TENM1: variants seen among roughly 807,000 people sequenced by gnomAD.
The protein encoded by TENM1 is teneurin transmembrane protein 1, also known as teneurin-1.
In TENM1, 35 loss-of-function variants were observed where a neutral mutation model predicts 174.8. The observed-to-expected ratio is 0.20, with a 90% CI of 0.15 to 0.27. TENM1 has a LOEUF of 0.27. TENM1 is among the 10% of genes least tolerant of loss of function. The pLI is 1.00. For synonymous variants in TENM1, 781 were observed against 798.7 expected (o/e 0.98, Z 0.37); for missense variants, 1,633 against 2,130.1 (o/e 0.77, Z 4.59).
chrX:125,107,620 T>C, the TENM1 span, among the ~76,000 whole-genome samples: 3 of 111,522 alleles, frequency 2.7e-5, no homozygotes, highest in Non-Finnish European at 5.6e-5. Flanking sequence ...AACACCCCCA[T>C]GCTAAGGGAC....
chrX:124,452,923 A>G (rs945690096), intron 23 of TENM1, among the ~76,000 whole-genome samples: 2 of 109,207 alleles, frequency 1.8e-5, no homozygotes, highest in Non-Finnish European at 3.8e-5. Context: ...TGACAAGTTA[A>G]TGGGTGCAGC....
At chrX:125,055,338 T>G in the TENM1 span, among the ~76,000 whole-genome samples, 5 of 111,374 alleles carry the variant, frequency 4.5e-5, no homozygotes, top group Non-Finnish European at 9.4e-5. Context: ...TGCTTTTTAT[T>G]TATTCTTTTA....
chrX:124,608,533 G>A (rs1040784675), intron 11 of TENM1, among the ~76,000 whole-genome samples: 20 of 111,573 alleles, frequency 1.8e-4, no homozygotes, highest in Non-Finnish European at 3.0e-4. Context: ...TACAGTAAGC[G>A]CGCTGCTGTC....
chrX:125,056,322 G>A, the TENM1 span, among the ~76,000 whole-genome samples: 773 of 111,678 alleles, frequency 6.9e-3, 1 homozygote, highest in Middle Eastern at 0.037. Flanking sequence ...AATATGAATG[G>A]TGAGAATGGT....
intron 14 of TENM1, among the ~76,000 whole-genome samples, chrX:124,548,365 G>A: frequency 9.0e-6 from 1 of 110,868 alleles, no homozygotes; most frequent in South Asian, 4.0e-4. Context: ...TGCTTGCAGA[G>A]GTGAAGAGAT....
intron 30 of TENM1, among the ~76,000 whole-genome samples, chrX:124,383,131 G>C (rs2060178830): frequency 9.1e-6 from 1 of 109,736 alleles, no homozygotes; most frequent in Admixed American, 9.8e-5. Context: ...ATTTTTAGTA[G>C]AGATGGGGTT....
intron 3 of TENM1, among the ~76,000 whole-genome samples, chrX:124,856,606 G>A (rs1422007561): frequency 9.0e-6 from 1 of 111,266 alleles, no homozygotes; most frequent in South Asian, 3.7e-4. Flanking sequence ...AGGTCAGTAG[G>A]TTAAGAATGG....
At chrX:125,073,639 G>A in the TENM1 span, among the ~76,000 whole-genome samples, 346 of 110,896 alleles carry the variant, frequency 3.1e-3, 1 homozygote, top group Non-Finnish European at 5.0e-3. Flanking sequence ...GGCATTGTAG[G>A]TATGTGGGTA....
At chrX:124,991,943 T>C in the TENM1 span, among the ~76,000 whole-genome samples, 8 of 111,090 alleles carry the variant, frequency 7.2e-5, no homozygotes, top group East Asian at 1.7e-3. Flanking sequence ...AACCAACTCC[T>C]TACCTTGCCT....
the TENM1 span, among the ~76,000 whole-genome samples, chrX:125,011,967 A>C: frequency 1.8e-5 from 2 of 111,908 alleles, no homozygotes; most frequent in East Asian, 5.6e-4. Flanking sequence ...ACTGGAAAAA[A>C]ATGTGGTACA....
At chrX:124,782,068 G>A (rs910723034) in intron 3 of TENM1, among the ~76,000 whole-genome samples, 1 of 110,928 alleles carries the variant, frequency 9.0e-6, no homozygotes, top group Non-Finnish European at 1.9e-5. Context: ...CTTTCCTCTA[G>A]CTTGATGTAG....
At chrX:124,959,356 G>A (rs975456625) in intron 1 of TENM1, among the ~76,000 whole-genome samples, 1 of 111,558 alleles carries the variant, frequency 9.0e-6, no homozygotes, top group African/African-American at 3.3e-5. Flanking sequence ...TAGTTCCCGG[G>A]TCTGTATACT....
chrX:124,719,897 T>C (rs1305676062), intron 4 of TENM1, among the ~76,000 whole-genome samples: 1 of 112,156 alleles, frequency 8.9e-6, no homozygotes, highest in African/African-American at 3.2e-5. Flanking sequence ...TGGCTGGTTG[T>C]AACTTAAACC....
At chrX:124,382,689 T>C (rs2060172722) in exon 31 of TENM1, 1 of 1,206,917 alleles carries the variant, frequency 8.3e-7, no homozygotes, top group Non-Finnish European at 1.1e-6. Context: ...ATCCCACTCT[T>C]GAGTTTTTGT....
chrX:124,497,905 T>C (rs1290793488), intron 19 of TENM1, among the ~76,000 whole-genome samples: 1 of 111,816 alleles, frequency 8.9e-6, no homozygotes, highest in Non-Finnish European at 1.9e-5. Flanking sequence ...ACATTCTGTG[T>C]GGGCAATCTC....
Position 124,942,452 on chromosome X carries a change from G to T in TENM1, c.217+21085C>A, listed in dbSNP as rs1047662300. 6.3e-5 allele frequency among the ~76,000 whole-genome samples: 7 copies of T among 111,461 alleles called. No individual in the cohort carries two copies. The East Asian group carries it at 1.1e-3, about 18-fold the overall frequency. ...AAGATTATGCTTTCCCCCCCGCCCC[G>T]CAGGGCTCACTATGAATAGTTCCAA... On this transcript the variant is annotated intron_variant, in intron 1 of 31. Coordinates refer to ENST00000422452, the Ensembl canonical transcript of TENM1.
intron 22 of TENM1, among the ~76,000 whole-genome samples, chrX:124,463,480 C>T (rs759251592): frequency 1.8e-5 from 2 of 111,632 alleles, no homozygotes; most frequent in Non-Finnish European, 3.8e-5. Context: ...CCTGCTTGAA[C>T]ACTTTAGGCT....
chrX:124,775,175 G>A (rs747302196), intron 3 of TENM1, among the ~76,000 whole-genome samples: 23 of 109,678 alleles, frequency 2.1e-4, no homozygotes, highest in Admixed American at 1.4e-3. Flanking sequence ...GTGTGGTGGC[G>A]TGCACCTGTA....
intron 11 of TENM1, among the ~76,000 whole-genome samples, chrX:124,633,905 T>C (rs1223813120): frequency 8.9e-6 from 1 of 111,939 alleles, no homozygotes; most frequent in Admixed American, 9.5e-5. Context: ...GTGCCACCAA[T>C]GAATTTCATT....
Sources: allele counts gnomAD v4.1 joint callset (sites outside exome capture counted in the v4.1 genomes callset), GRCh38; gene constraint gnomAD v4.1.1; transcripts MANE v1.5; gene names NCBI Gene and HGNC (gene_info 2026-07-23, HGNC 2026-07-21).